The following TLN2 variants were observed in gnomAD, a reference collection of about 807,000 sequenced individuals.
TLN2 encodes talin 2, also known as talin-2.
In TLN2, 118 loss-of-function variants were observed where a neutral mutation model predicts 294.7. The observed-to-expected ratio is 0.40, with a 90% CI of 0.34 to 0.47. The LOEUF (loss-of-function observed/expected upper bound fraction) is 0.47. Among genes scored for constraint, TLN2 ranks in the 20% least tolerant of loss-of-function variants. The probability of loss-of-function intolerance (pLI) is 0.84; values close to 1 mark genes in which losing one functional copy is unlikely to be tolerated. For synonymous variants in TLN2, 1,431 were observed against 1,304.5 expected (o/e 1.10, Z -2.09); for missense variants, 3,083 against 3,282.2 (o/e 0.94, Z 1.48).
At chr15:62,679,683 G>A (rs1480898877) in intron 11 of TLN2, among the ~76,000 whole-genome samples, 1 of 152,182 alleles carries the variant, frequency 6.6e-6, no homozygotes, top group Non-Finnish European at 1.5e-5. Flanking sequence ...TTCTAGAACT[G>A]ACTGTGGTTT....
chr15:62,664,875 A>AAAAAAAAAAAAAAAAAAG (rs1555462003), intron 9 of TLN2, among the ~76,000 whole-genome samples: 47 of 146,556 alleles, frequency 3.2e-4, no homozygotes, highest in African/African-American at 1.2e-3. Flanking sequence ...AAAAAAAAAA[A>AAAAAAAAAAAAAAAAAAG]AAAGTGGCTA....
At chr15:62,735,146 C>G (rs983131261) in intron 28 of TLN2, among the ~76,000 whole-genome samples, 1 of 152,218 alleles carries the variant, frequency 6.6e-6, no homozygotes, top group South Asian at 2.1e-4. Context: ...TCTCTTGCCA[C>G]CTCTGGAAGT....
At chr15:62,782,454 C>A (rs1020259813) in intron 44 of TLN2, among the ~76,000 whole-genome samples, 1 of 152,216 alleles carries the variant, frequency 6.6e-6, no homozygotes, top group Non-Finnish European at 1.5e-5. Flanking sequence ...GTTTGAGCAG[C>A]CTCATGGTGT....
At chr15:62,720,000 C>A in intron 25 of TLN2, 120 bp downstream of exon 25, 1 of 678,588 alleles carries the variant, frequency 1.5e-6, no homozygotes, top group Non-Finnish European at 2.3e-6. Context: ...GTAGGCAGGG[C>A]TTGAAGGCCT....
At chr15:62,804,103 T>G (rs1176382417) in intron 50 of TLN2, among the ~76,000 whole-genome samples, 4 of 152,188 alleles carry the variant, frequency 2.6e-5, no homozygotes, top group Non-Finnish European at 4.4e-5. Flanking sequence ...AGATAATTAC[T>G]TTCTCCCAAA....
At chr15:62,399,852 A>T (rs2032888991) in intron 1 of TLN2, among the ~76,000 whole-genome samples, 1 of 152,150 alleles carries the variant, frequency 6.6e-6, no homozygotes, top group South Asian at 2.1e-4. Context: ...CTTGTCTCAG[A>T]TTAGACTTTG....
At chr15:62,695,885 C>A (rs935546480) in intron 14 of TLN2, among the ~76,000 whole-genome samples, 2 of 152,152 alleles carry the variant, frequency 1.3e-5, no homozygotes, top group Non-Finnish European at 2.9e-5. Context: ...TAGGAGCGGC[C>A]CAGTAAGTGT....
chr15:62,663,813 G>A (rs780901870), intron 9 of TLN2, among the ~76,000 whole-genome samples: 1 of 151,888 alleles, frequency 6.6e-6, no homozygotes, highest in Non-Finnish European at 1.5e-5. Flanking sequence ...TATGTTAATG[G>A]GTAGGAAGAC....
intron 1 of TLN2, among the ~76,000 whole-genome samples, chr15:62,419,782 G>A (rs1278300269): frequency 6.6e-6 from 1 of 151,994 alleles, no homozygotes; most frequent in Non-Finnish European, 1.5e-5. Context: ...GACTACAGGT[G>A]CACCCCACCA....
chr15:62,744,259 T>C (rs1406702218), intron 32 of TLN2, among the ~76,000 whole-genome samples: 2 of 152,200 alleles, frequency 1.3e-5, no homozygotes, highest in Admixed American at 1.3e-4. Flanking sequence ...CGATCCATCA[T>C]GCCCTGCCGG....
intron 50 of TLN2, among the ~76,000 whole-genome samples, chr15:62,804,608 C>T (rs748033947): frequency 3.9e-5 from 6 of 152,084 alleles, no homozygotes; most frequent in Non-Finnish European, 5.9e-5. Flanking sequence ...TTCCATGTAG[C>T]GCGTGCCATG....
intron 13 of TLN2, 29 bp downstream of exon 13, chr15:62,692,970 G>A (rs2058043508): frequency 6.4e-7 from 1 of 1,570,972 alleles, no homozygotes; most frequent in Admixed American, 1.8e-5. Context: ...AATTGGAAAA[G>A]CAAGACGGCT....
chr15:62,518,322 C>A (rs2040285560), intron 1 of TLN2, among the ~76,000 whole-genome samples: 1 of 152,170 alleles, frequency 6.6e-6, no homozygotes, highest in African/African-American at 2.4e-5. Context: ...TAGGCGTGAG[C>A]CACCACCAGC....
At chr15:62,452,237 C>T (rs745525210) in intron 1 of TLN2, among the ~76,000 whole-genome samples, 3 of 152,170 alleles carry the variant, frequency 2.0e-5, no homozygotes, top group East Asian at 1.9e-4. Context: ...GCGAAAAGTC[C>T]GTCCTAGCTG....
intron 1 of TLN2, among the ~76,000 whole-genome samples, chr15:62,539,267 G>A (rs1030082381): frequency 1.1e-4 from 16 of 152,154 alleles, no homozygotes; most frequent in African/African-American, 3.9e-4. Flanking sequence ...GTTGGGAGTG[G>A]GAGAAGGTTG....
At chr15:62,782,940 G>A (rs2064311039) in intron 44 of TLN2, among the ~76,000 whole-genome samples, 1 of 152,230 alleles carries the variant, frequency 6.6e-6, no homozygotes, top group South Asian at 2.1e-4. Flanking sequence ...ACACCCGTCT[G>A]GGTGGCAGAT....
At chr15:62,495,945 CAAA>C (rs35350561) in intron 1 of TLN2, among the ~76,000 whole-genome samples, 1 of 123,948 alleles carries the variant, frequency 8.1e-6, no homozygotes, top group Non-Finnish European at 1.7e-5. Context: ...AGTTCTAGGC[CAAA>C]AAAAAAAAAA....
intron 3 of TLN2, among the ~76,000 whole-genome samples, chr15:62,645,963 T>A (rs1283087970): frequency 6.6e-6 from 1 of 152,164 alleles, no homozygotes; most frequent in African/African-American, 2.4e-5. Flanking sequence ...TGATAGAGAC[T>A]GGCTTGGGTT....
chr15:62,750,251 T>A, intron 33 of TLN2, 151 bp from the exon 34 acceptor site: 2 of 668,800 alleles, frequency 3.0e-6, no homozygotes, highest in Admixed American at 4.5e-5. Context: ...GAAGTCATGA[T>A]ACCATGATGT....
Sources: gnomAD v4.1 joint callset for allele counts (sites outside exome capture counted in the v4.1 genomes callset) on GRCh38, gnomAD v4.1.1 for gene constraint, MANE v1.5 for transcripts, NCBI Gene and HGNC (gene_info 2026-07-23, HGNC 2026-07-21) for gene names.